The following FBXO33 variants were observed in gnomAD, a reference collection of about 807,000 sequenced individuals.
The protein encoded by FBXO33 is F-box only protein 33.
In FBXO33, 22 loss-of-function variants were observed where a neutral mutation model predicts 46.3. The observed-to-expected ratio is 0.48, with a 90% CI of 0.34 to 0.68. The LOEUF (loss-of-function observed/expected upper bound fraction) is 0.68. Ranked by LOEUF, FBXO33 falls within the 30% of genes least tolerant of loss-of-function variation. The pLI is 0.01. For missense variants in FBXO33, 692 were observed against 708.8 expected (o/e 0.98, Z 0.27); for synonymous variants, 337 against 291.3 (o/e 1.16, Z -1.60).
intron 1 of FBXO33, among the ~76,000 whole-genome samples, chr14:39,422,409 T>TA (rs1235211383): frequency 6.6e-6 from 1 of 152,254 alleles, no homozygotes; most frequent in Non-Finnish European, 1.5e-5. Context: ...CTTGCCCTAC[T>TA]ACAAGCTATT....
intron 1 of FBXO33, among the ~76,000 whole-genome samples, chr14:39,415,141 A>G (rs2075441510): frequency 6.6e-6 from 1 of 152,204 alleles, no homozygotes; most frequent in Non-Finnish European, 1.5e-5. Flanking sequence ...CATATCAGAT[A>G]TAACAAGGGT....
At chr14:39,412,431 T>C (rs1489328958) in intron 1 of FBXO33, among the ~76,000 whole-genome samples, 1 of 152,238 alleles carries the variant, frequency 6.6e-6, no homozygotes, top group Non-Finnish European at 1.5e-5. Context: ...GCTTTCACCC[T>C]GTATTTGTCC....
intron 1 of FBXO33, among the ~76,000 whole-genome samples, chr14:39,428,655 TGA>T (rs2075528372): frequency 6.6e-6 from 1 of 152,226 alleles, no homozygotes; most frequent in African/African-American, 2.4e-5. Flanking sequence ...TTTTAGTGAC[TGA>T]GTCTATTACC....
chr14:39,425,391 T>C (rs996401218), intron 1 of FBXO33, among the ~76,000 whole-genome samples: 1 of 152,252 alleles, frequency 6.6e-6, no homozygotes, highest in Non-Finnish European at 1.5e-5. Flanking sequence ...TAAGAGTTAT[T>C]ACAGCTAAGA....
intron 1 of FBXO33, among the ~76,000 whole-genome samples, chr14:39,411,165 G>A (rs752917707): frequency 6.6e-6 from 1 of 151,498 alleles, no homozygotes; most frequent in Non-Finnish European, 1.5e-5. Context: ...GTGTGATCTT[G>A]GCTCACTGCA....
intron 1 of FBXO33, among the ~76,000 whole-genome samples, chr14:39,405,853 G>T (rs985458542): frequency 1.4e-4 from 18 of 124,806 alleles, no homozygotes. Context: ...ATTACTAATG[G>T]AAATAATCTA....
At chr14:39,429,003 C>A (rs1057461258) in intron 1 of FBXO33, among the ~76,000 whole-genome samples, 1 of 152,156 alleles carries the variant, frequency 6.6e-6, no homozygotes, top group African/African-American at 2.4e-5. Context: ...CCTTCTTTAT[C>A]CTTATTAGTT....
At chr14:39,407,378 T>C (rs942669627) in intron 1 of FBXO33, among the ~76,000 whole-genome samples, 5 of 152,248 alleles carry the variant, frequency 3.3e-5, no homozygotes, top group African/African-American at 7.2e-5. Context: ...ATAGGTACTA[T>C]GCTTTACAAC....
chr14:39,426,056 G>T (rs1263394503), intron 1 of FBXO33, among the ~76,000 whole-genome samples: 1 of 151,872 alleles, frequency 6.6e-6, no homozygotes, highest in Non-Finnish European at 1.5e-5. Context: ...AATCCCGAAG[G>T]TTACACACAA....
intron 1 of FBXO33, 96 bp downstream of exon 1, chr14:39,431,468 T>C (rs8006123): frequency 0.26 from 413,482 of 1,566,966 alleles, 56,619 homozygotes; most frequent in East Asian, 0.51. Flanking sequence ...AACACTGAAG[T>C]TGGCCGGGCA....
At chr14:39,430,758 G>A (rs1190901616) in intron 1 of FBXO33, among the ~76,000 whole-genome samples, 1 of 152,158 alleles carries the variant, frequency 6.6e-6, no homozygotes, top group Non-Finnish European at 1.5e-5. Context: ...GGGTTTTGGA[G>A]GTGGCGATGG....
chr14:39,425,034 G>A (rs777437501), intron 1 of FBXO33, among the ~76,000 whole-genome samples: 2 of 152,052 alleles, frequency 1.3e-5, no homozygotes, highest in East Asian at 3.9e-4. Flanking sequence ...CCTGGTGAGA[G>A]AGTGAGACTC....
intron 1 of FBXO33, among the ~76,000 whole-genome samples, chr14:39,407,301 T>C (rs373952120): frequency 2.8e-4 from 43 of 152,358 alleles, no homozygotes; most frequent in African/African-American, 8.7e-4. Flanking sequence ...TGTCTGTTGG[T>C]TGGAAGTTTC....
intron 1 of FBXO33, among the ~76,000 whole-genome samples, chr14:39,421,782 A>T (rs867109633): frequency 5.6e-4 from 2 of 3,544 alleles, no homozygotes; most frequent in African/African-American, 6.0e-3. Context: ...AGTACAAATC[A>T]CACACACACA....
chr14:39,404,481 C>G (rs1036198987), intron 1 of FBXO33, among the ~76,000 whole-genome samples: 2 of 152,122 alleles, frequency 1.3e-5, no homozygotes, highest in African/African-American at 4.8e-5. Flanking sequence ...CGCCCGCCAC[C>G]ATGCCCAGCT....
chr14:39,400,362 C>T (rs371818092), intron 3 of FBXO33, among the ~76,000 whole-genome samples: 5 of 152,154 alleles, frequency 3.3e-5, no homozygotes, highest in African/African-American at 1.2e-4. Context: ...GGAATGAATA[C>T]GGGGAGCTTT....
intron 1 of FBXO33, among the ~76,000 whole-genome samples, chr14:39,422,507 G>A (rs1369397481): frequency 6.6e-6 from 1 of 152,190 alleles, no homozygotes; most frequent in Non-Finnish European, 1.5e-5. Flanking sequence ...CCTCATCTAA[G>A]AGTAAAAGTC....
chr14:39,399,639 C>T lies in FBXO33; in HGVS notation c.1545G>A (p.Glu515=). The T allele has an allele frequency of 3.1e-6, 5 of 1,613,986 alleles. No homozygotes were observed. The highest frequency in any genetic ancestry group is 1.6e-4 in the Middle Eastern group (1 of 6,062). ...GTTGACCCAGGCCCAGGGATACCTGCTCAATAAGGTTATGCACTGGATCTA... is the reference window on the plus strand; with the variant it reads ...GTTGACCCAGGCCCAGGGATACCTGTTCAATAAGGTTATGCACTGGATCTA... ...QDVDPVHNLI[E]QVSLGLGQPW... is the part of the protein sequence containing the mutation. The change falls in exon 4 of 4, where the codon GAG becomes GAA. Residue 515 remains glutamate, a synonymous_variant. Coordinates refer to ENST00000298097, the MANE Select transcript of FBXO33 (RefSeq NM_203301.4).
chr14:39,428,817 T>C (rs2075529235), intron 1 of FBXO33, among the ~76,000 whole-genome samples: 1 of 152,194 alleles, frequency 6.6e-6, no homozygotes, highest in South Asian at 2.1e-4. Flanking sequence ...GTACAATTTC[T>C]TATAGAACGA....
Sources: gnomAD v4.1 joint callset for allele counts (sites outside exome capture counted in the v4.1 genomes callset) on GRCh38, gnomAD v4.1.1 for gene constraint, MANE v1.5 for transcripts, NCBI Gene and HGNC (gene_info 2026-07-23, HGNC 2026-07-21) for gene names.